KLF12: variants seen among roughly 807,000 people sequenced by gnomAD.
KLF12 encodes KLF transcription factor 12, also known as Krueppel-like factor 12.
A neutral mutation model predicts 37.8 loss-of-function variants in KLF12; 9 were observed. The ratio of observed to expected loss-of-function variants is 0.24; its 90% confidence interval spans 0.14 to 0.42. The LOEUF is 0.42. KLF12 is among the 10% of genes least tolerant of loss of function. The pLI, the probability that KLF12 is intolerant of heterozygous loss-of-function variation, is 1.00. For synonymous variants in KLF12, 208 were observed against 202.1 expected (o/e 1.03, Z -0.25); for missense variants, 411 against 516.0 (o/e 0.80, Z 1.97).
the KLF12 span, among the ~76,000 whole-genome samples, chr13:74,212,919 T>C: frequency 4.6e-5 from 7 of 152,046 alleles, no homozygotes; most frequent in Admixed American, 3.9e-4. Context: ...GAGAAGAAGA[T>C]GGTTGATAAG....
chr13:73,863,703 T>G (rs143181463), intron 3 of KLF12, among the ~76,000 whole-genome samples: 7 of 152,290 alleles, frequency 4.6e-5, no homozygotes, highest in African/African-American at 1.4e-4. Flanking sequence ...TATGTTCATC[T>G]GGTGCAGACA....
intron 7 of KLF12, among the ~76,000 whole-genome samples, chr13:73,705,212 G>C (rs17090357): frequency 0.12 from 17,932 of 152,160 alleles, 1,340 homozygotes; most frequent in South Asian, 0.23. Context: ...TCTTACAATT[G>C]TATTATTCTT....
intron 6 of KLF12, among the ~76,000 whole-genome samples, chr13:73,720,306 G>A (rs574471435): frequency 1.3e-5 from 2 of 152,252 alleles, no homozygotes; most frequent in African/African-American, 4.8e-5. Flanking sequence ...GGCACCTGAA[G>A]AATCCTCACA....
chr13:74,252,922 G>A, the KLF12 span, among the ~76,000 whole-genome samples: 1,788 of 152,188 alleles, frequency 0.012, 44 homozygotes, highest in African/African-American at 0.041. Context: ...TTATCCCTAT[G>A]TATAACTTAT....
intron 1 of KLF12, among the ~76,000 whole-genome samples, chr13:74,086,998 C>T (rs1296697397): frequency 6.6e-6 from 1 of 152,094 alleles, no homozygotes; most frequent in Non-Finnish European, 1.5e-5. Context: ...GTCTTGCTGT[C>T]TTGGGGTGGC....
At chr13:73,722,601 T>C (rs1210086332) in intron 6 of KLF12, among the ~76,000 whole-genome samples, 2 of 152,222 alleles carry the variant, frequency 1.3e-5, no homozygotes, top group Non-Finnish European at 2.9e-5. Flanking sequence ...TTTGAACAGA[T>C]TGAAATTGTA....
chr13:74,085,669 G>A (rs1287952965), intron 1 of KLF12, among the ~76,000 whole-genome samples: 2 of 152,108 alleles, frequency 1.3e-5, no homozygotes, highest in African/African-American at 4.8e-5. Flanking sequence ...ACTAGCCAGC[G>A]GGTTTCTAAC....
At chr13:74,281,236 T>C in the KLF12 span, among the ~76,000 whole-genome samples, 1 of 152,184 alleles carries the variant, frequency 6.6e-6, no homozygotes, top group South Asian at 2.1e-4. Flanking sequence ...TGAGTTGTTC[T>C]GGTAGAAATT....
chr13:74,005,805 G>A (rs1319693903), intron 1 of KLF12, among the ~76,000 whole-genome samples: 2 of 152,106 alleles, frequency 1.3e-5, no homozygotes, highest in South Asian at 2.1e-4. Flanking sequence ...CATCACGGAC[G>A]GTTGCTGGTT....
intron 2 of KLF12, among the ~76,000 whole-genome samples, chr13:73,980,920 G>A (rs991099725): frequency 6.6e-6 from 1 of 152,170 alleles, no homozygotes; most frequent in East Asian, 1.9e-4. Flanking sequence ...AGCACTCTGA[G>A]AGGCCAAGAC....
the KLF12 span, among the ~76,000 whole-genome samples, chr13:74,161,643 C>T: frequency 6.6e-5 from 10 of 152,122 alleles, no homozygotes; most frequent in Non-Finnish European, 1.5e-4. Context: ...TTTAAGCCAC[C>T]GAGTTTGTGG....
At chr13:73,708,786 T>C (rs1875141375) in intron 7 of KLF12, among the ~76,000 whole-genome samples, 1 of 152,218 alleles carries the variant, frequency 6.6e-6, no homozygotes, top group Non-Finnish European at 1.5e-5. Flanking sequence ...TAGTGCATAA[T>C]TGTTTTGTAT....
chr13:74,073,492 A>G (rs1874393077), intron 1 of KLF12, among the ~76,000 whole-genome samples: 1 of 152,168 alleles, frequency 6.6e-6, no homozygotes, highest in Non-Finnish European at 1.5e-5. Context: ...AAAACAGTCA[A>G]TAACTATGCT....
chr13:74,133,667 T>C (rs141007257), intron 1 of KLF12, among the ~76,000 whole-genome samples: 28 of 106,096 alleles, frequency 2.6e-4, no homozygotes, highest in East Asian at 2.5e-3. Flanking sequence ...ACGGTCTGAT[T>C]TGGGATGGCA....
chr13:74,206,569 T>C, the KLF12 span, among the ~76,000 whole-genome samples: 3 of 152,250 alleles, frequency 2.0e-5, no homozygotes, highest in East Asian at 3.9e-4. Context: ...TTATTACACT[T>C]TATCCCTTTC....
chr13:73,920,705 A>G (rs1242703545), intron 3 of KLF12, among the ~76,000 whole-genome samples: 1 of 152,026 alleles, frequency 6.6e-6, no homozygotes, highest in Non-Finnish European at 1.5e-5. Flanking sequence ...GTCAAACACA[A>G]TGGATTTCCT....
chr13:74,148,681 C>A, the KLF12 span, among the ~76,000 whole-genome samples: 2 of 152,100 alleles, frequency 1.3e-5, no homozygotes, highest in Non-Finnish European at 2.9e-5. Flanking sequence ...TAGTTTAGCA[C>A]CTTGTCCTCC....
chr13:73,865,697 T>A (rs1001168626), intron 3 of KLF12, among the ~76,000 whole-genome samples: 4 of 152,080 alleles, frequency 2.6e-5, no homozygotes, highest in African/African-American at 9.7e-5. Flanking sequence ...AAATTAAAAA[T>A]TTTTAGAGTT....
chr13:74,275,915 TTC>T, the KLF12 span, among the ~76,000 whole-genome samples: 1 of 147,262 alleles, frequency 6.8e-6, no homozygotes, highest in African/African-American at 2.5e-5. Context: ...CTTTCTTTCT[TTC>T]TTTCTTTCTT....
Sources: allele counts gnomAD v4.1 joint callset (sites outside exome capture counted in the v4.1 genomes callset), GRCh38; gene constraint gnomAD v4.1.1; transcripts MANE v1.5; gene names NCBI Gene and HGNC (gene_info 2026-07-23, HGNC 2026-07-21).